TTLL7: variants seen among roughly 807,000 people sequenced by gnomAD.
TTLL7 encodes tubulin tyrosine ligase like 7.
Under a neutral mutation model 120.2 loss-of-function variants are expected in TTLL7, and 53 were observed. The ratio of observed to expected loss-of-function variants is 0.44; its 90% confidence interval spans 0.35 to 0.55. TTLL7 has a LOEUF of 0.55. Among genes scored for constraint, TTLL7 ranks in the 20% least tolerant of loss-of-function variants. The probability of loss-of-function intolerance (pLI) is 0.00; values close to 1 mark genes in which losing one functional copy is unlikely to be tolerated. For missense variants in TTLL7, 803 were observed against 1,054.7 expected, an observed-to-expected ratio of 0.76 and a Z score of 3.31; for synonymous variants, 353 against 351.7, an observed-to-expected ratio of 1.00 and a Z score of -0.04.
At chr1:83,942,038 G>A (rs1648028720) in intron 7 of TTLL7, among the ~76,000 whole-genome samples, 1 of 152,068 alleles carries the variant, frequency 6.6e-6, no homozygotes, top group South Asian at 2.1e-4. Flanking sequence ...CACCCTACAT[G>A]TTATACAAAG....
intron 18 of TTLL7, 54 bp downstream of exon 18, chr1:83,904,025 C>G (rs988777852): frequency 7.1e-7 from 1 of 1,401,118 alleles, no homozygotes; most frequent in Non-Finnish European, 1.0e-6. Flanking sequence ...GCTTAATGAT[C>G]CTAGCTTAAT....
At chr1:83,958,224 AAAAG>A (rs1649697691) in intron 1 of TTLL7, among the ~76,000 whole-genome samples, 1 of 152,226 alleles carries the variant, frequency 6.6e-6, no homozygotes, top group Non-Finnish European at 1.5e-5. Flanking sequence ...TCGTTTAAAG[AAAAG>A]AGATATAATG....
At chr1:83,905,083 T>C (rs1657066863) in intron 17 of TTLL7, among the ~76,000 whole-genome samples, 1 of 151,972 alleles carries the variant, frequency 6.6e-6, no homozygotes. Context: ...CTAATATCTC[T>C]AAGAAATATA....
In TTLL7 at chr1:83,907,673, G is replaced by A; in HGVS notation, c.1787-12C>T. 1 of 1,609,562 alleles carries A rather than the reference G, an allele frequency of 6.2e-7. No individual in the cohort carries two copies. The highest frequency in any genetic ancestry group is 8.5e-7 in the Non-Finnish European group (1 of 1,177,362). ...ACGTCTTATGGAGCCTATCAGTGAT[G>A]GAGAAGAGGGATACTACAGTAGCAG... On this transcript the variant is annotated splice_polypyrimidine_tract_variant and intron_variant, in intron 15 of 20. Coordinates refer to ENST00000260505, the MANE Select transcript of TTLL7 (RefSeq NM_024686.6).
intron 18 of TTLL7, among the ~76,000 whole-genome samples, chr1:83,896,386 C>T (rs576605200): frequency 6.6e-6 from 1 of 152,028 alleles, no homozygotes; most frequent in African/African-American, 2.4e-5. Flanking sequence ...ATAAAGCACA[C>T]AGACAAATTC....
At chr1:83,884,115 T>C (rs1369546587) in intron 19 of TTLL7, among the ~76,000 whole-genome samples, 1 of 151,412 alleles carries the variant, frequency 6.6e-6, no homozygotes, top group East Asian at 1.9e-4. Flanking sequence ...AACACCTCAC[T>C]ACTCCACCAG....
At chr1:83,953,121 G>A (rs1386169270) in intron 1 of TTLL7, among the ~76,000 whole-genome samples, 1 of 152,134 alleles carries the variant, frequency 6.6e-6, no homozygotes, top group Non-Finnish European at 1.5e-5. Context: ...TTTTATTCAG[G>A]CACACAGAGG....
At chr1:83,977,391 C>A (rs1193264742) in intron 1 of TTLL7, among the ~76,000 whole-genome samples, 2 of 151,910 alleles carry the variant, frequency 1.3e-5, no homozygotes, top group East Asian at 3.9e-4. Flanking sequence ...GGAATGTTAA[C>A]CTTCAATATT....
intron 1 of TTLL7, among the ~76,000 whole-genome samples, chr1:83,972,017 C>A (rs75808721): frequency 6.6e-6 from 1 of 151,850 alleles, no homozygotes; most frequent in Non-Finnish European, 1.5e-5. Flanking sequence ...TTCCTCTGTA[C>A]CCCTCCCTGC....
intron 1 of TTLL7, among the ~76,000 whole-genome samples, chr1:83,992,039 C>T (rs1653049843): frequency 6.6e-6 from 1 of 152,066 alleles, no homozygotes; most frequent in Non-Finnish European, 1.5e-5. Context: ...GGTCTTGATG[C>T]ATATTATATA....
chr1:83,944,373 A>C (rs1648270871), intron 6 of TTLL7, among the ~76,000 whole-genome samples: 1 of 152,194 alleles, frequency 6.6e-6, no homozygotes, highest in Non-Finnish European at 1.5e-5. Context: ...ATTATAATCA[A>C]ATTGTCAAAG....
rs1307121715 is a variant in TTLL7 at position 83,868,393 on chromosome 1, A to G, written c.*1569T>C. On this transcript the variant is annotated 3_prime_UTR_variant, in exon 21 of 21. Coordinates refer to ENST00000260505, the MANE Select transcript of TTLL7 (RefSeq NM_024686.6). ...TAGTACGGCTTATATTTTTATGGAAAACTGAAAGCTCACTCTTGGTTTTAA... is the reference window on the plus strand; with the variant it reads ...TAGTACGGCTTATATTTTTATGGAAGACTGAAAGCTCACTCTTGGTTTTAA... 6.6e-6 allele frequency: 1 copy of G among 152,220 alleles called. No homozygotes were observed. Among genetic ancestry groups the G allele is most frequent in the Non-Finnish European group, 1.5e-5 (1 of 68,038 alleles). 9.4% of individuals were successfully genotyped at this position (152,220 alleles called of 1,614,324 possible). A position where few individuals can be genotyped will look rare whatever the true frequency, so the allele number is the denominator to read the frequency against.
intron 10 of TTLL7, among the ~76,000 whole-genome samples, chr1:83,922,918 A>C (rs532351193): frequency 6.6e-6 from 1 of 150,892 alleles, no homozygotes; most frequent in East Asian, 1.9e-4. Flanking sequence ...AAGGGATTAG[A>C]GAAAAAAGGT....
intron 20 of TTLL7, among the ~76,000 whole-genome samples, chr1:83,877,809 T>C (rs943363229): frequency 4.0e-5 from 6 of 151,838 alleles, no homozygotes; most frequent in African/African-American, 4.8e-5. Context: ...CTTTCTTCTA[T>C]GTTTGTTTCA....
At chr1:83,970,805 G>A (rs1057000688) in intron 1 of TTLL7, among the ~76,000 whole-genome samples, 1 of 152,004 alleles carries the variant, frequency 6.6e-6, no homozygotes, top group Non-Finnish European at 1.5e-5. Flanking sequence ...GACAGAGTAG[G>A]AAAAGCAGCC....
intron 20 of TTLL7, among the ~76,000 whole-genome samples, chr1:83,878,398 T>C (rs2100701520): frequency 1.3e-5 from 2 of 152,104 alleles, no homozygotes; most frequent in South Asian, 4.1e-4. Context: ...TGTAAATTTA[T>C]TTCCTTTTTG....
At chr1:83,948,549 C>A (rs1648732770) in intron 5 of TTLL7, 79 bp downstream of exon 5, 4 of 948,662 alleles carry the variant, frequency 4.2e-6, no homozygotes, top group Non-Finnish European at 6.6e-6. Context: ...ATCAATGTAA[C>A]CTTGTGAAAG....
chr1:83,874,635 A>G (rs1481158431), intron 20 of TTLL7, among the ~76,000 whole-genome samples: 1 of 152,070 alleles, frequency 6.6e-6, no homozygotes, highest in Non-Finnish European at 1.5e-5. Context: ...CATCCTTGCC[A>G]ACACTTACTA....
chr1:83,948,793 T>C (rs1648753683), intron 4 of TTLL7, 98 bp from the exon 5 acceptor site: 2 of 767,864 alleles, frequency 2.6e-6, no homozygotes, highest in Non-Finnish European at 4.2e-6. Context: ...TTTTATGTTT[T>C]AATAAACTGC....
Sources: allele counts gnomAD v4.1 joint callset (sites outside exome capture counted in the v4.1 genomes callset), GRCh38; gene constraint gnomAD v4.1.1; transcripts MANE v1.5; gene names NCBI Gene and HGNC (gene_info 2026-07-23, HGNC 2026-07-21).